Variants in IQSEC3 observed in about 807,000 individuals in gnomAD.
IQSEC3 encodes the protein IQ motif and SEC7 domain-containing protein 3.
IQSEC3 carries 50 observed loss-of-function variants against 105.4 expected under a neutral mutation model. That is an observed-to-expected ratio of 0.47 (90% CI 0.38 to 0.60). The LOEUF (loss-of-function observed/expected upper bound fraction) is 0.60, where lower values mean the gene tolerates loss of function less well. Among genes scored for constraint, IQSEC3 ranks in the 20% least tolerant of loss-of-function variants. IQSEC3 has a pLI of 0.00. For missense variants in IQSEC3, 1,415 were observed against 1,630.0 expected, an observed-to-expected ratio of 0.87 and a Z score of 2.27; for synonymous variants, 708 against 746.0, an observed-to-expected ratio of 0.95 and a Z score of 0.83.
chr12:133,652 A>C (rs558787668), intron 3 of IQSEC3, among the ~76,000 whole-genome samples: 1 of 151,768 alleles, frequency 6.6e-6, no homozygotes, highest in African/African-American at 2.4e-5. Flanking sequence ...CTGGAGGTTC[A>C]GTGTAAAATA....
In IQSEC3 at chr12:138,348, T is replaced by C. The variant is rs1555087098; in HGVS notation, c.985T>C (p.Tyr329His). Reference sequence around the variant, plus strand: ...CACCATCCAAACCGCCTTCCGCCAATACCAGCTCAGCAAGAACTTCGAGAA... The same window carrying C: ...CACCATCCAAACCGCCTTCCGCCAACACCAGCTCAGCAAGAACTTCGAGAA... ...ACTIQTAFRQ[Y>H]QLSKNFEKIR... Residue 329 changes from tyrosine to histidine, a missense_variant, in exon 4 of 14, where the codon TAC becomes CAC. Physicochemically the swap from Tyr to His is moderately conservative, Grantham distance 83. This residue lies in a region of IQSEC3 where 720 missense variants were observed against 633.0 expected (regional missense o/e 1.14). Transcript: ENST00000538872. This position sits in a 1 kb window ranked among gnomAD's most constrained non-coding sequence, Gnocchi z 7.1. The C allele has an allele frequency of 4.3e-6, 7 of 1,613,648 alleles. No homozygotes were observed. Among genetic ancestry groups the C allele is most frequent in the Admixed American group, 3.3e-5 (2 of 60,032 alleles).
At position 125,717 on chromosome 12, in the gene IQSEC3, C is replaced by A. The variant is rs1865368600; in HGVS notation, c.708C>A (p.Ala236=). 2.6e-6 allele frequency: 4 copies of A among 1,533,938 alleles called. No individual in the cohort carries two copies. The highest frequency in any genetic ancestry group is 2.6e-6 in the Non-Finnish European group (3 of 1,150,628). ...CGGTGGCAGCCGGCAGACCCAGTGC[C>A]CATGCCCCGAAGGCTCAAGCCCAGG... ...AAAVAAGRPS[A]HAPKAQAQEL... is the part of the protein sequence containing the mutation. Residue 236 remains alanine (A), a synonymous_variant, in exon 3 of 14, where the codon GCC becomes GCA. Coordinates refer to ENST00000538872, the MANE Select transcript of IQSEC3 (RefSeq NM_001170738.2).
intron 2 of IQSEC3, among the ~76,000 whole-genome samples, chr12:122,965 G>A (rs1432141227): frequency 1.3e-5 from 2 of 152,156 alleles, no homozygotes; most frequent in African/African-American, 2.4e-5. Flanking sequence ...TATGCTGCCC[G>A]GCAGGCCCTG....
chr12:174,530 G>T, intron 13 of IQSEC3, 69 bp from the exon 14 acceptor site: 1 of 1,389,190 alleles, frequency 7.2e-7, no homozygotes, highest in Non-Finnish European at 9.6e-7. Context: ...GAGGCACAGG[G>T]CAGCCTGTCC....
chr12:156,479 C>T (rs1192125792), intron 5 of IQSEC3, among the ~76,000 whole-genome samples: 1 of 151,826 alleles, frequency 6.6e-6, no homozygotes, highest in African/African-American at 2.4e-5. Context: ...GCTGGGGCAG[C>T]TGTGGGGAGC....
intron 1 of IQSEC3, among the ~76,000 whole-genome samples, chr12:71,259 C>T (rs1424484173): frequency 1.3e-5 from 2 of 152,266 alleles, no homozygotes; most frequent in Non-Finnish European, 1.5e-5. Context: ...ATGACTGGCC[C>T]ATCCTGGAAA....
intron 10 of IQSEC3, 34 bp downstream of exon 10, chr12:165,567 A>AGCC (rs782295282): frequency 6.9e-6 from 11 of 1,597,804 alleles, no homozygotes; most frequent in South Asian, 1.1e-5. Flanking sequence ...AGTCTTTGAG[A>AGCC]AGGAATGAAT....
rs1565447129 is a variant in IQSEC3 at position 163,211 on chromosome 12, C to CCT, written c.2584-282_2584-281insTC. 5.7e-4 allele frequency among the ~76,000 whole-genome samples: 25 copies of CCT among 43,664 alleles called. No homozygotes were observed. The East Asian group carries it at 0.013, about 24-fold the overall frequency. The allele number at this position is 43,664 out of a possible 152,430, so 28.6% of individuals were successfully genotyped here. ...TCCACAGAACCGGAGCCCTCCCCTCCCCCTCCACAGAACCGGACCCCTCCC... is the reference window on the plus strand; with the variant it reads ...TCCACAGAACCGGAGCCCTCCCCTCCCTCCCTCCACAGAACCGGACCCCTCCC... On this transcript the variant is annotated intron_variant, in intron 8 of 13. Coordinates refer to ENST00000538872, the MANE Select transcript of IQSEC3 (RefSeq NM_001170738.2).
At chr12:160,938 G>A (rs11061684) in intron 7 of IQSEC3, among the ~76,000 whole-genome samples, 53,682 of 152,022 alleles carry the variant, frequency 0.35, 9,580 homozygotes, top group Middle Eastern at 0.38. Context: ...AGCAGCAGAG[G>A]CATGCAGCCT....
chr12:121,911 C>A (rs1865231277), intron 2 of IQSEC3, among the ~76,000 whole-genome samples: 2 of 152,102 alleles, frequency 1.3e-5, no homozygotes, highest in Non-Finnish European at 2.9e-5. Flanking sequence ...GGATAACTTG[C>A]CCAAGTCACA....
In IQSEC3 at chr12:175,014, G is replaced by A. The variant is rs1939195672; in HGVS notation, c.3530G>A (p.Gly1177Asp). ...SLLHGHRYSS[G>D]SRSLV ...CTGCACGGGCACCGCTACTCCAGTG[G>A]CTCAAGGAGCCTGGTGTAGACTCTG... Residue 1177 changes from glycine (G) to aspartate (D), a missense_variant, in exon 14 of 14, where the codon GGC becomes GAC. Gly to Asp is a moderately conservative substitution (Grantham distance 94). This residue lies in a region of IQSEC3 where 419 missense variants were observed against 436.2 expected (regional missense o/e 0.96). Coordinates refer to ENST00000538872, the MANE Select transcript of IQSEC3 (RefSeq NM_001170738.2). 3.2e-6 allele frequency: 5 copies of A among 1,560,382 alleles called. No homozygotes were observed. The highest frequency in any genetic ancestry group is 4.3e-6 in the Non-Finnish European group (5 of 1,160,796).
At chr12:109,463 AGC>A (rs1555078993) in intron 2 of IQSEC3, among the ~76,000 whole-genome samples, 1 of 152,174 alleles carries the variant, frequency 6.6e-6, no homozygotes, top group Admixed American at 6.5e-5. Flanking sequence ...GTGAAACAGC[AGC>A]AAACCTTAAT....
rs1338882147 is a variant in IQSEC3 at position 138,052 on chromosome 12, C to T, written c.904-215C>T. Among the ~76,000 whole-genome samples the T allele has an allele frequency of 2.6e-5, 4 of 152,056 alleles. No individual in the cohort carries two copies. The highest frequency in any genetic ancestry group is 9.7e-5 in the African/African-American group (4 of 41,406). The stretch of plus-strand genomic sequence containing the variant: ...CTGGCCCTTGAGACATCACTAGTCC[C>T]CAGAACGGACCCCTCCGTCCTACAC... On this transcript the variant is annotated intron_variant, in intron 3 of 13. Transcript: ENST00000538872. The surrounding 1 kb of genome is among the most constrained non-coding windows in gnomAD (Gnocchi z 7.1).
intron 8 of IQSEC3, among the ~76,000 whole-genome samples, chr12:162,621 G>A (rs1280934817): frequency 6.6e-6 from 1 of 152,194 alleles, no homozygotes; most frequent in Admixed American, 6.5e-5. Flanking sequence ...TCAGGGGACG[G>A]TGTGGGAGAG....
At chr12:94,723 C>G (rs903121227) in intron 1 of IQSEC3, among the ~76,000 whole-genome samples, 1 of 152,238 alleles carries the variant, frequency 6.6e-6, no homozygotes, top group Non-Finnish European at 1.5e-5. Flanking sequence ...AGTGTCTGGA[C>G]AGACGAGTGG....
rs370433167 is a variant in IQSEC3, at chr12:163,484, C to T, written c.2584-10C>T. On this transcript the variant is annotated splice_polypyrimidine_tract_variant and intron_variant, in intron 8 of 13. Coordinates refer to ENST00000538872, the MANE Select transcript of IQSEC3 (RefSeq NM_001170738.2). ...TGGTCTCTCCCGCTGAGCGCCCTGCCCGCGTGCAGGTGCTGTCCGTGCCCC... is the reference window on the plus strand; with the variant it reads ...TGGTCTCTCCCGCTGAGCGCCCTGCTCGCGTGCAGGTGCTGTCCGTGCCCC... The T allele has an allele frequency of 9.0e-5, 144 of 1,597,096 alleles. No homozygotes were observed. The highest frequency in any genetic ancestry group is 1.2e-4 in the Non-Finnish European group (139 of 1,170,284).
chr12:116,959 G>T (rs1428972220), intron 2 of IQSEC3, among the ~76,000 whole-genome samples: 1 of 152,204 alleles, frequency 6.6e-6, no homozygotes, highest in African/African-American at 2.4e-5. Context: ...CTTGAGCTGA[G>T]TACATGTGGA....
At chr12:149,168 A>C (rs1295514559) in intron 5 of IQSEC3, 3 of 152,218 alleles carry the variant, frequency 2.0e-5, no homozygotes, top group Non-Finnish European at 2.9e-5. Context: ...CACAGGAAAG[A>C]GGGGGAGGCC....
rs149253607 is a variant in IQSEC3 at position 86,525 on chromosome 12, A to T, written c.555-12621A>T. Among the ~76,000 whole-genome samples the T allele has an allele frequency of 4.6e-3, 698 of 152,284 alleles. 2 individuals are homozygous for T. The highest frequency in any genetic ancestry group is 6.9e-3 in the Non-Finnish European group (469 of 68,028). ...ATCTGTTAGCTCATTTGCTCATCAC[A>T]ATAAGCCTTCGAGATAGATGCTGTC... On this transcript the variant is annotated intron_variant, in intron 1 of 13. Transcript: ENST00000538872.
Sources: allele counts gnomAD v4.1 joint callset (sites outside exome capture counted in the v4.1 genomes callset), GRCh38; gene constraint gnomAD v4.1.1; regional missense constraint gnomAD v4.1.1; non-coding constraint Gnocchi (gnomAD v3.1); transcripts MANE v1.5; gene names NCBI Gene and HGNC (gene_info 2026-07-23, HGNC 2026-07-21).